DPYD: variants seen among roughly 807,000 people sequenced by gnomAD.
DPYD encodes dihydropyrimidine dehydrogenase [NADP(+)].
DPYD carries 109 observed loss-of-function variants against 116.2 expected under a neutral mutation model. The ratio of observed to expected loss-of-function variants is 0.94; its 90% confidence interval spans 0.80 to 1.10. The LOEUF (loss-of-function observed/expected upper bound fraction) is 1.10, where lower values mean the gene tolerates loss of function less well. Among genes scored for constraint, DPYD ranks in the 50% least tolerant of loss-of-function variants. The probability of loss-of-function intolerance (pLI) is 0.00; values close to 1 mark genes in which losing one functional copy is unlikely to be tolerated. For synonymous variants in DPYD, 440 were observed against 432.0 expected, an observed-to-expected ratio of 1.02 and a Z score of -0.23; for missense variants, 1,302 against 1,254.5, an observed-to-expected ratio of 1.04 and a Z score of -0.57.
chr1:97,154,576 G>A (rs1456890857), intron 20 of DPYD, among the ~76,000 whole-genome samples: 7 of 151,904 alleles, frequency 4.6e-5, no homozygotes, highest in East Asian at 3.9e-4. Flanking sequence ...GTCAACAGGC[G>A]AAACCATTAG....
At chr1:97,780,106 A>G (rs947128794) in intron 3 of DPYD, among the ~76,000 whole-genome samples, 1 of 152,210 alleles carries the variant, frequency 6.6e-6, no homozygotes, top group Admixed American at 6.5e-5. Flanking sequence ...CAATTTTTAA[A>G]TCAGTGATGT....
intron 8 of DPYD, among the ~76,000 whole-genome samples, chr1:97,677,526 T>C (rs1000663919): frequency 6.6e-6 from 1 of 152,142 alleles, no homozygotes; most frequent in Non-Finnish European, 1.5e-5. Context: ...ACAAATGTAA[T>C]GTTGAAAAGT....
At chr1:97,580,816 A>G (rs1235020492) in intron 10 of DPYD, among the ~76,000 whole-genome samples, 3 of 152,304 alleles carry the variant, frequency 2.0e-5, no homozygotes, top group African/African-American at 7.2e-5. Flanking sequence ...AGATTGATTT[A>G]GCCAACAGGA....
intron 12 of DPYD, among the ~76,000 whole-genome samples, chr1:97,520,348 A>C (rs1233818474): frequency 3.3e-5 from 5 of 152,168 alleles, no homozygotes; most frequent in Non-Finnish European, 7.4e-5. Flanking sequence ...CTAAGACTTT[A>C]CTCATGCGTT....
intron 5 of DPYD, among the ~76,000 whole-genome samples, chr1:97,712,247 T>C (rs1662330283): frequency 6.6e-6 from 1 of 152,056 alleles, no homozygotes; most frequent in Non-Finnish European, 1.5e-5. Flanking sequence ...ACTTTTCATT[T>C]ATTCGTATCT....
intron 11 of DPYD, among the ~76,000 whole-genome samples, chr1:97,568,771 C>T (rs1288536572): frequency 6.6e-6 from 1 of 152,002 alleles, no homozygotes; most frequent in African/African-American, 2.4e-5. Flanking sequence ...AATTAATACC[C>T]TAACATGAAG....
chr1:97,882,257 G>C (rs1212744505), intron 2 of DPYD, among the ~76,000 whole-genome samples: 2 of 151,840 alleles, frequency 1.3e-5, no homozygotes, highest in Non-Finnish European at 2.9e-5. Flanking sequence ...GTGACTATGG[G>C]ATCTTTTCAT....
chr1:97,670,204 C>T (rs968850726), intron 8 of DPYD, among the ~76,000 whole-genome samples: 2 of 152,158 alleles, frequency 1.3e-5, no homozygotes, highest in African/African-American at 4.8e-5. Flanking sequence ...TATCCTTCAA[C>T]ATCAATATTC....
At chr1:97,387,568 G>A (rs1672424557) in intron 14 of DPYD, among the ~76,000 whole-genome samples, 1 of 152,080 alleles carries the variant, frequency 6.6e-6, no homozygotes. Context: ...TAGTAATAGA[G>A]GAGGAGAGCA....
At position 97,108,291 on chromosome 1, in the gene DPYD, T is replaced by C. The variant is rs187142841; in HGVS notation, c.2623-9659A>G. On this transcript the variant is annotated intron_variant, in intron 20 of 22. Coordinates refer to ENST00000370192, the MANE Select transcript of DPYD (RefSeq NM_000110.4). ...GACCTATGGCAGCCTGATGACTCCCTCTGTGTCTCAGTTTTCTCACCGGTA... is the reference window on the plus strand; with the variant it reads ...GACCTATGGCAGCCTGATGACTCCCCCTGTGTCTCAGTTTTCTCACCGGTA... Among the ~76,000 whole-genome samples the C allele has an allele frequency of 2.4e-3, 364 of 152,216 alleles. 1 individual carries two copies. Among genetic ancestry groups the C allele is most frequent in the African/African-American group, 8.5e-3 (352 of 41,532 alleles).
At chr1:97,562,709 T>C (rs929906292) in intron 11 of DPYD, among the ~76,000 whole-genome samples, 9 of 152,136 alleles carry the variant, frequency 5.9e-5, no homozygotes, top group African/African-American at 1.9e-4. Flanking sequence ...TACAATAGCA[T>C]ATATGCAGAT....
chr1:97,579,808 C>T (rs1260941769), intron 10 of DPYD, among the ~76,000 whole-genome samples: 1 of 152,134 alleles, frequency 6.6e-6, no homozygotes, highest in Non-Finnish European at 1.5e-5. Context: ...TAGTAAGCAG[C>T]TATAAGGGTC....
chr1:97,826,659 G>A (rs1259798875), intron 3 of DPYD, among the ~76,000 whole-genome samples: 1 of 151,868 alleles, frequency 6.6e-6, no homozygotes, highest in Non-Finnish European at 1.5e-5. Context: ...CACTATGTAT[G>A]GTGAAAATTA....
At chr1:97,707,108 T>C (rs968439107) in intron 5 of DPYD, among the ~76,000 whole-genome samples, 1 of 151,988 alleles carries the variant, frequency 6.6e-6, no homozygotes, top group Non-Finnish European at 1.5e-5. Context: ...CCACAAATGT[T>C]AGAAAGGTGG....
At chr1:97,171,253 G>T (rs765955892) in intron 20 of DPYD, among the ~76,000 whole-genome samples, 1 of 152,168 alleles carries the variant, frequency 6.6e-6, no homozygotes, top group African/African-American at 2.4e-5. Context: ...GTTGAGGAAA[G>T]AAGGTGGCAT....
rs1356553591 is a variant in DPYD, at chr1:97,274,204, C to T, written c.2299+31055G>A. The stretch of plus-strand genomic sequence containing the variant: ...GATATGGTTTGTATATTTGTCCCCT[C>T]CAAATCTCAGGTTGAAATGTAATCC... On this transcript the variant is annotated intron_variant, in intron 18 of 22. Coordinates refer to ENST00000370192, the MANE Select transcript of DPYD (RefSeq NM_000110.4). Among the ~76,000 whole-genome samples the T allele has an allele frequency of 1.3e-5, 2 of 152,128 alleles. 1 individual carries two copies. Among genetic ancestry groups the T allele is most frequent in the African/African-American group, 4.8e-5 (2 of 41,416 alleles).
At chr1:97,256,014 A>G (rs1220017114) in intron 18 of DPYD, among the ~76,000 whole-genome samples, 1 of 152,120 alleles carries the variant, frequency 6.6e-6, no homozygotes, top group Non-Finnish European at 1.5e-5. Flanking sequence ...TGCTATTTCT[A>G]TAAGAAATTA....
chr1:97,701,216 A>C (rs146541490), intron 5 of DPYD, among the ~76,000 whole-genome samples: 1,907 of 148,212 alleles, frequency 0.013, 39 homozygotes, highest in African/African-American at 0.044. Context: ...TATATGAAAT[A>C]TATATATACC....
At chr1:97,826,401 A>T (rs1036905400) in intron 3 of DPYD, among the ~76,000 whole-genome samples, 1 of 98,590 alleles carries the variant, frequency 1.0e-5, no homozygotes, top group Non-Finnish European at 2.2e-5. Flanking sequence ...TTTCATTCAC[A>T]TTGCCTCTTT....
Sources: allele counts gnomAD v4.1 joint callset (sites outside exome capture counted in the v4.1 genomes callset), GRCh38; gene constraint gnomAD v4.1.1; transcripts MANE v1.5; gene names NCBI Gene and HGNC (gene_info 2026-07-23, HGNC 2026-07-21).